The following CFAP299 variants were observed in gnomAD, a reference collection of about 807,000 sequenced individuals.
CFAP299 encodes cilia- and flagella-associated protein 299.
Under a neutral mutation model 27.0 loss-of-function variants are expected in CFAP299, and 21 were observed. That is an observed-to-expected ratio of 0.78 (90% CI 0.55 to 1.12). The LOEUF (loss-of-function observed/expected upper bound fraction) is 1.12, where lower values mean the gene tolerates loss of function less well. Ranked by LOEUF, CFAP299 falls within the 50% of genes most tolerant of loss-of-function variation. The pLI is 0.00. For missense variants in CFAP299, 310 were observed against 276.6 expected, an observed-to-expected ratio of 1.12 and a Z score of -0.86; for synonymous variants, 104 against 98.1, an observed-to-expected ratio of 1.06 and a Z score of -0.36.
intron 2 of CFAP299, among the ~76,000 whole-genome samples, chr4:80,559,885 A>G (rs1025158748): frequency 6.6e-6 from 1 of 152,148 alleles, no homozygotes; most frequent in African/African-American, 2.4e-5. Context: ...AGTAAACTTG[A>G]AAGACAGTCT....
In CFAP299 at chr4:80,889,037, G is replaced by A. The variant is rs1228398752; in HGVS notation, c.476+18902G>A. Among the ~76,000 whole-genome samples the A allele has an allele frequency of 1.0e-4, 14 of 139,332 alleles. No individual in the cohort carries two copies. In the East Asian group the frequency reaches 1.2e-3, roughly 12 times the overall value. 91.4% of individuals were successfully genotyped at this position (139,332 alleles called of 152,430 possible). On this transcript the variant is annotated intron_variant, in intron 4 of 5. Transcript: ENST00000358105. ...AAAAAAAAAAAAAAAAAAAAAAGAG[G>A]GAAAACTTCAAATAAACTACCTAAC...
chr4:80,404,357 G>T (rs578175809), intron 2 of CFAP299, among the ~76,000 whole-genome samples: 20 of 151,860 alleles, frequency 1.3e-4, no homozygotes, highest in Non-Finnish European at 2.4e-4. Flanking sequence ...TACTCACCTC[G>T]CTGTGCACCC....
chr4:80,717,998 T>C (rs1722589147), intron 3 of CFAP299, among the ~76,000 whole-genome samples: 1 of 152,128 alleles, frequency 6.6e-6, no homozygotes, highest in Non-Finnish European at 1.5e-5. Flanking sequence ...ACTTCTCCTA[T>C]GGTTTTATAG....
intron 3 of CFAP299, among the ~76,000 whole-genome samples, chr4:80,853,255 T>A (rs1731630947): frequency 6.6e-6 from 1 of 152,186 alleles, no homozygotes; most frequent in South Asian, 2.1e-4. Context: ...GGTCTCGAAC[T>A]CCTGACCTCA....
At chr4:80,942,483 T>C (rs1015358704) in intron 4 of CFAP299, among the ~76,000 whole-genome samples, 2 of 152,146 alleles carry the variant, frequency 1.3e-5, no homozygotes, top group African/African-American at 2.4e-5. Context: ...AATTATTATT[T>C]ATTTTTATTA....
intron 3 of CFAP299, among the ~76,000 whole-genome samples, chr4:80,749,424 A>C (rs1316799682): frequency 1.3e-5 from 2 of 152,348 alleles, no homozygotes; most frequent in African/African-American, 4.8e-5. Flanking sequence ...GACAGAACTC[A>C]CAGAATATAT....
At chr4:80,672,362 T>A (rs932715228) in intron 3 of CFAP299, among the ~76,000 whole-genome samples, 1 of 152,210 alleles carries the variant, frequency 6.6e-6, no homozygotes, top group Admixed American at 6.5e-5. Flanking sequence ...GCCAACTTGA[T>A]CGTGGTGGAT....
chr4:80,684,540 T>A (rs1451710870), intron 3 of CFAP299, among the ~76,000 whole-genome samples: 1 of 152,192 alleles, frequency 6.6e-6, no homozygotes, highest in African/African-American at 2.4e-5. Flanking sequence ...GCTGCTGGGA[T>A]TACAGGCGTG....
intron 2 of CFAP299, among the ~76,000 whole-genome samples, chr4:80,398,171 C>A (rs1725923822): frequency 6.6e-6 from 1 of 152,116 alleles, no homozygotes; most frequent in Non-Finnish European, 1.5e-5. Flanking sequence ...CAAACCACTG[C>A]TCAACGAAAT....
chr4:80,772,201 G>A, intron 3 of CFAP299, among the ~76,000 whole-genome samples: 1 of 152,060 alleles, frequency 6.6e-6, no homozygotes, highest in East Asian at 1.9e-4. Context: ...AAAGATTAGT[G>A]GTCAATAAGA....
chr4:80,788,401 A>G (rs1165756345), intron 3 of CFAP299, among the ~76,000 whole-genome samples: 1 of 151,980 alleles, frequency 6.6e-6, no homozygotes, highest in Non-Finnish European at 1.5e-5. Context: ...TTGGGTAACT[A>G]ATTTTACCTG....
chr4:80,783,699 G>T (rs977800374), intron 3 of CFAP299, among the ~76,000 whole-genome samples: 45 of 151,842 alleles, frequency 3.0e-4, no homozygotes, highest in African/African-American at 9.7e-4. Flanking sequence ...AACATCACTG[G>T]GTTCTAAAAT....
chr4:80,911,249 C>A (rs537528949), intron 4 of CFAP299, among the ~76,000 whole-genome samples: 45 of 115,238 alleles, frequency 3.9e-4, no homozygotes, highest in African/African-American at 1.3e-3. Flanking sequence ...ATTTTATCTT[C>A]TTTTCTATAT....
intron 2 of CFAP299, among the ~76,000 whole-genome samples, chr4:80,562,521 C>T (rs562742196): frequency 6.6e-6 from 1 of 151,564 alleles, no homozygotes; most frequent in South Asian, 2.1e-4. Context: ...CTCTAACCAG[C>T]TTAACAAATT....
chr4:80,826,341 A>T (rs530818713), intron 3 of CFAP299, among the ~76,000 whole-genome samples: 1 of 151,808 alleles, frequency 6.6e-6, no homozygotes, highest in Non-Finnish European at 1.5e-5. Context: ...GACAACAATT[A>T]TCAAAAGGAC....
chr4:80,526,236 T>C (rs1405904668), intron 2 of CFAP299, among the ~76,000 whole-genome samples: 1 of 152,066 alleles, frequency 6.6e-6, no homozygotes, highest in Non-Finnish European at 1.5e-5. Flanking sequence ...CCATTTTGAT[T>C]AAGAAGTAAA....
At chr4:80,908,066 A>C (rs547651528) in intron 4 of CFAP299, among the ~76,000 whole-genome samples, 2 of 152,346 alleles carry the variant, frequency 1.3e-5, no homozygotes, top group African/African-American at 4.8e-5. Context: ...ATTAACAAGC[A>C]AGTGCAAAGT....
intron 3 of CFAP299, among the ~76,000 whole-genome samples, chr4:80,660,048 A>G (rs1229872871): frequency 6.6e-6 from 1 of 152,138 alleles, no homozygotes; most frequent in East Asian, 1.9e-4. Flanking sequence ...CAGGAGATCT[A>G]AAATTGGGGC....
chr4:80,343,799 TAAAAAAAAA>T (rs35187249), intron 1 of CFAP299, among the ~76,000 whole-genome samples: 1 of 75,356 alleles, frequency 1.3e-5, no homozygotes, highest in Non-Finnish European at 2.2e-5. Context: ...AGACTCCGTC[TAAAAAAAAA>T]AAAAAAAAAA....
Sources: allele counts gnomAD v4.1 joint callset (sites outside exome capture counted in the v4.1 genomes callset), GRCh38; gene constraint gnomAD v4.1.1; transcripts MANE v1.5; gene names NCBI Gene and HGNC (gene_info 2026-07-23, HGNC 2026-07-21).